Variants in ANO3 observed in about 807,000 individuals in gnomAD.
ANO3 encodes anoctamin-3.
A neutral mutation model predicts 144.8 loss-of-function variants in ANO3; 99 were observed. The observed-to-expected ratio is 0.68, with a 90% CI of 0.58 to 0.81. The LOEUF is 0.81. Ranked by LOEUF, ANO3 falls within the 30% of genes least tolerant of loss-of-function variation. ANO3 has a pLI of 0.00. For missense variants in ANO3, 905 were observed against 1,202.2 expected (o/e 0.75, Z 3.66); for synonymous variants, 414 against 392.6 (o/e 1.05, Z -0.64).
chr11:26,219,967 C>G (rs572423772), intron 1 of ANO3, among the ~76,000 whole-genome samples: 9 of 152,152 alleles, frequency 5.9e-5, no homozygotes, highest in African/African-American at 2.2e-4. Context: ...TGTTCTAGGA[C>G]AAATAAGCAC....
intron 5 of ANO3, among the ~76,000 whole-genome samples, chr11:26,510,206 T>C (rs958615246): frequency 6.6e-6 from 1 of 151,788 alleles, no homozygotes; most frequent in Non-Finnish European, 1.5e-5. Context: ...CTTTAATGTG[T>C]ATGAAATAAC....
At chr11:26,316,347 AT>A (rs1192349889) in intron 1 of ANO3, among the ~76,000 whole-genome samples, 5 of 152,158 alleles carry the variant, frequency 3.3e-5, no homozygotes, top group Admixed American at 3.3e-4. Flanking sequence ...TCATTTGATT[AT>A]GAGGTGAGAT....
chr11:26,562,134 G>A (rs1161016994), intron 14 of ANO3, among the ~76,000 whole-genome samples: 1 of 151,834 alleles, frequency 6.6e-6, no homozygotes, highest in Non-Finnish European at 1.5e-5. Flanking sequence ...GAGATTACAT[G>A]TAAAGACAAG....
At chr11:26,525,761 C>A in intron 7 of ANO3, 82 bp downstream of exon 7, 2 of 1,048,176 alleles carry the variant, frequency 1.9e-6, no homozygotes, top group South Asian at 1.6e-5. Flanking sequence ...CCCATATCAG[C>A]AGTTGTAAAT....
At chr11:26,301,559 G>A (rs1021166322) in intron 1 of ANO3, among the ~76,000 whole-genome samples, 3 of 152,068 alleles carry the variant, frequency 2.0e-5, no homozygotes, top group African/African-American at 7.2e-5. Flanking sequence ...CCTAAAAGTA[G>A]AATGGAAGAT....
intron 11 of ANO3, among the ~76,000 whole-genome samples, chr11:26,546,220 A>G (rs1468973908): frequency 1.3e-5 from 2 of 151,944 alleles, no homozygotes; most frequent in Non-Finnish European, 2.9e-5. Flanking sequence ...ATCTCACAGT[A>G]GAATACTATT....
At chr11:26,233,683 G>A (rs1232956587) in intron 1 of ANO3, among the ~76,000 whole-genome samples, 1 of 152,104 alleles carries the variant, frequency 6.6e-6, no homozygotes, top group East Asian at 1.9e-4. Context: ...AAAAGACTTG[G>A]AACCAACTCA....
intron 4 of ANO3, among the ~76,000 whole-genome samples, chr11:26,502,846 AG>A (rs36106789): frequency 0.59 from 80,985 of 137,998 alleles, 23,301 homozygotes; most frequent in East Asian, 0.69. Context: ...ATAAACATTC[AG>A]GGAAAAAAAA....
At chr11:26,634,080 CAAAAAA>C in intron 18 of ANO3, 118 bp from the exon 19 acceptor site, 2 of 355,724 alleles carry the variant, frequency 5.6e-6, no homozygotes, top group East Asian at 4.2e-5. Flanking sequence ...ACTCCATTTC[CAAAAAA>C]AAAAAAAAAA....
intron 7 of ANO3, among the ~76,000 whole-genome samples, chr11:26,526,057 G>T (rs1350575875): frequency 6.6e-6 from 1 of 152,070 alleles, no homozygotes; most frequent in Non-Finnish European, 1.5e-5. Flanking sequence ...ATTCAGTCCA[G>T]TTCTCTCATT....
At chr11:26,437,470 C>T (rs1009329643) in intron 1 of ANO3, among the ~76,000 whole-genome samples, 4 of 152,234 alleles carry the variant, frequency 2.6e-5, no homozygotes, top group African/African-American at 9.6e-5. Context: ...GGCTCTGTGT[C>T]ACTCAGGGGT....
chr11:26,629,391 A>G (rs1008976059), intron 18 of ANO3, among the ~76,000 whole-genome samples: 3 of 140,208 alleles, frequency 2.1e-5, no homozygotes, highest in African/African-American at 7.5e-5. Flanking sequence ...CATCTATTAC[A>G]TTATTCCTAT....
At chr11:26,577,132 C>T (rs1055736228) in intron 14 of ANO3, among the ~76,000 whole-genome samples, 1 of 152,136 alleles carries the variant, frequency 6.6e-6, no homozygotes, top group Non-Finnish European at 1.5e-5. Flanking sequence ...ACTAGAGATG[C>T]AGAAATCTTC....
At chr11:26,382,912 A>T (rs1335505710) in intron 1 of ANO3, among the ~76,000 whole-genome samples, 1 of 152,148 alleles carries the variant, frequency 6.6e-6, no homozygotes, top group Non-Finnish European at 1.5e-5. Context: ...ACAAATCCTT[A>T]TAGGGCAATT....
chr11:26,235,674 T>C (rs908862730), intron 1 of ANO3, among the ~76,000 whole-genome samples: 3 of 151,962 alleles, frequency 2.0e-5, no homozygotes, highest in Non-Finnish European at 4.4e-5. Flanking sequence ...TATATATGTT[T>C]ATTTTGTTCT....
chr11:26,598,954 A>G lies in ANO3; in HGVS notation c.1627A>G (p.Lys543Glu). 1 of 1,614,030 alleles carries G rather than the reference A, an allele frequency of 6.2e-7. No individual in the cohort carries two copies. The highest frequency in any genetic ancestry group is 2.2e-5 in the East Asian group (1 of 44,854). The change falls in exon 16 of 27, where the codon AAA becomes GAA. Residue 543 changes from lysine (K) to glutamate (E), a missense_variant. Physicochemically the swap from Lys to Glu is moderately conservative, Grantham distance 56. Transcript: ENST00000256737. ...KPEPHQPSSD[K>E]VTRLLVSVSG... Reference sequence around the variant, plus strand: ...TGAACCACATCAGCCTTCCTCAGACAAAGTCACTCGTCTTCTTGTTTCTGT... The same window carrying G: ...TGAACCACATCAGCCTTCCTCAGACGAAGTCACTCGTCTTCTTGTTTCTGT...
rs1849387377 is a variant in ANO3 at position 26,532,025 on chromosome 11, G to A, written c.869+689G>A. 1.3e-5 allele frequency among the ~76,000 whole-genome samples: 2 copies of A among 152,186 alleles called. 1 individual carries two copies. Among genetic ancestry groups the A allele is most frequent in the South Asian group, 4.1e-4 (2 of 4,830 alleles). On this transcript the variant is annotated intron_variant, in intron 8 of 26. Coordinates refer to ENST00000256737, the MANE Select transcript of ANO3 (RefSeq NM_031418.4). ...TGGGGTAAACATAAAGATAGGAAAA[G>A]GCGTGATGTATTGAAGGACTATAGC...
At chr11:26,374,530 C>T (rs114892904) in intron 1 of ANO3, among the ~76,000 whole-genome samples, 2,434 of 152,202 alleles carry the variant, frequency 0.016, 22 homozygotes, top group African/African-American at 0.022. Flanking sequence ...TAAAGGGAAA[C>T]AAAAATTAGT....
chr11:26,309,580 ACT>A (rs991605737), upstream of ANO3: 7 of 774,692 alleles, frequency 9.0e-6, no homozygotes, highest in African/African-American at 1.3e-4. Flanking sequence ...ATAATTTTCT[ACT>A]CTCTTTCTGG....
Sources: gnomAD v4.1 joint callset for allele counts (sites outside exome capture counted in the v4.1 genomes callset) on GRCh38, gnomAD v4.1.1 for gene constraint, MANE v1.5 for transcripts, NCBI Gene and HGNC (gene_info 2026-07-23, HGNC 2026-07-21) for gene names.